Variants in SVOPL observed in about 807,000 individuals in gnomAD.
The protein encoded by SVOPL is putative transporter SVOPL.
A neutral mutation model predicts 61.0 loss-of-function variants in SVOPL; 60 were observed. The ratio of observed to expected loss-of-function variants is 0.98; its 90% CI spans 0.80 to 1.22. SVOPL has a LOEUF of 1.22. Among genes scored for constraint, SVOPL ranks in the 50% most tolerant of loss-of-function variants. The pLI, the probability that SVOPL is intolerant of heterozygous loss-of-function variation, is 0.00. For missense variants in SVOPL, 662 were observed against 643.9 expected (o/e 1.03, Z -0.30); for synonymous variants, 279 against 250.0 (o/e 1.12, Z -1.09).
chr7:138,624,520 T>C (rs751304747), intron 13 of SVOPL, among the ~76,000 whole-genome samples: 47 of 152,160 alleles, frequency 3.1e-4, no homozygotes, highest in Non-Finnish European at 6.3e-4. Context: ...ACCTGTGGAA[T>C]ATGTCAATAC....
intron 5 of SVOPL, 189 bp downstream of exon 5, chr7:138,662,885 C>T (rs1404718763): frequency 7.0e-7 from 1 of 1,431,236 alleles, no homozygotes; most frequent in African/African-American, 1.4e-5. Flanking sequence ...GGAACAGCTG[C>T]AGGCACAGGT....
chr7:138,696,660 G>A (rs1803071064), intron 1 of SVOPL, among the ~76,000 whole-genome samples: 1 of 151,998 alleles, frequency 6.6e-6, no homozygotes, highest in Non-Finnish European at 1.5e-5. Context: ...CTGACCTCAG[G>A]TGCTCCACCT....
intron 8 of SVOPL, chr7:138,645,626 A>C (rs76433790): frequency 0.026 from 3,965 of 152,918 alleles, 155 homozygotes; most frequent in East Asian, 0.18. Context: ...ACACCTCCAC[A>C]ATCCCTTTAA....
chr7:138,606,150 T>C (rs1338190291), intron 14 of SVOPL, among the ~76,000 whole-genome samples: 2 of 152,046 alleles, frequency 1.3e-5, no homozygotes, highest in African/African-American at 4.8e-5. Flanking sequence ...GCGAGTAAAG[T>C]CTATTGGAAG....
chr7:138,682,076 TA>T (rs1449889788), intron 1 of SVOPL, among the ~76,000 whole-genome samples: 1 of 152,156 alleles, frequency 6.6e-6, no homozygotes, highest in East Asian at 1.9e-4. Flanking sequence ...TACATCAGGG[TA>T]ACAAAACAGT....
In SVOPL at chr7:138,632,275, T is replaced by C. The variant is rs148428429; in HGVS notation, c.790-2153A>G. ...GGTAAAACCTCATCTCTACTAAAAA[T>C]ACAAAACATTTAGCCAGGCGTGATG... On this transcript the variant is annotated intron_variant, in intron 9 of 15. Transcript: ENST00000674285. Among the ~76,000 whole-genome samples, 418 of 152,160 alleles carry C rather than the reference T, an allele frequency of 2.7e-3. 2 individuals are homozygous for C. Among genetic ancestry groups the C allele is most frequent in the African/African-American group, 9.2e-3 (383 of 41,516 alleles).
chr7:138,619,036 G>T lies in SVOPL; in HGVS notation c.1353+2010C>A, dbSNP rs1158821853. 4.6e-4 allele frequency among the ~76,000 whole-genome samples: 70 copies of T among 152,214 alleles called. 1 individual carries two copies. Among genetic ancestry groups the T allele is most frequent in the Admixed American group, 4.6e-3 (70 of 15,280 alleles). On this transcript the variant is annotated intron_variant, in intron 14 of 15. Transcript: ENST00000674285. ...CAAATGCCCAGGGAAAATGTTCCAGGTGGTCAAGAACTCAATTCCTAATGA... is the reference window on the plus strand; with the variant it reads ...CAAATGCCCAGGGAAAATGTTCCAGTTGGTCAAGAACTCAATTCCTAATGA...
chr7:138,648,420 C>T (rs1261581828), intron 8 of SVOPL, among the ~76,000 whole-genome samples: 2 of 149,490 alleles, frequency 1.3e-5, no homozygotes, highest in Non-Finnish European at 3.0e-5. Flanking sequence ...TCAGCCTGTC[C>T]AATGTGATGA....
intron 4 of SVOPL, chr7:138,664,317 C>T (rs1802152322): frequency 1.2e-6 from 1 of 844,072 alleles, no homozygotes. Context: ...CACCCCTAAT[C>T]CTCCATCGGA....
At chr7:138,613,076 G>A (rs765277064) in intron 14 of SVOPL, among the ~76,000 whole-genome samples, 1 of 151,810 alleles carries the variant, frequency 6.6e-6, no homozygotes, top group Non-Finnish European at 1.5e-5. Context: ...CTGGAGTGCA[G>A]CGGCACAATC....
chr7:138,599,697 G>A (rs1798431311), intron 14 of SVOPL, among the ~76,000 whole-genome samples: 1 of 152,136 alleles, frequency 6.6e-6, no homozygotes, highest in African/African-American at 2.4e-5. Flanking sequence ...AGACCAGCCT[G>A]ACCAACAAGG....
At position 138,641,310 on chromosome 7, in the gene SVOPL, A is replaced by G. The variant is rs900289761; in HGVS notation, c.789+3407T>C. ...GTAAGGTCCAAAGCCATATAAGGATAAAGAAATACTTCAAGTAATAAGACT... is the reference window on the plus strand; with the variant it reads ...GTAAGGTCCAAAGCCATATAAGGATGAAGAAATACTTCAAGTAATAAGACT... On this transcript the variant is annotated intron_variant, in intron 9 of 15. Transcript: ENST00000674285. 3.3e-5 allele frequency among the ~76,000 whole-genome samples: 5 copies of G among 152,292 alleles called. No homozygotes were observed. In the East Asian group the frequency reaches 9.6e-4, roughly 29 times the overall value.
At chr7:138,610,151 C>CTAT (rs1798934950) in intron 14 of SVOPL, among the ~76,000 whole-genome samples, 1 of 152,116 alleles carries the variant, frequency 6.6e-6, no homozygotes. Flanking sequence ...AGCTTAATGC[C>CTAT]TATTTTTTAT....
At chr7:138,663,916 T>TC (rs1377916949) in intron 4 of SVOPL, among the ~76,000 whole-genome samples, 4 of 152,158 alleles carry the variant, frequency 2.6e-5, no homozygotes, top group Non-Finnish European at 5.9e-5. Context: ...CTGCTTTTTT[T>TC]CTCCTTCCTT....
At chr7:138,621,402 A>G (rs936120012) in intron 13 of SVOPL, among the ~76,000 whole-genome samples, 16 of 152,252 alleles carry the variant, frequency 1.1e-4, no homozygotes, top group Middle Eastern at 3.2e-3. Flanking sequence ...ATATAATTTT[A>G]GAAAGACAAG....
intron 1 of SVOPL, among the ~76,000 whole-genome samples, chr7:138,683,324 T>C (rs777728700): frequency 1.3e-5 from 2 of 152,086 alleles, no homozygotes; most frequent in Non-Finnish European, 2.9e-5. Context: ...TTTGAGTATG[T>C]GTAGTATTTT....
At chr7:138,655,584 C>CAT (rs978750301) in intron 7 of SVOPL, among the ~76,000 whole-genome samples, 13 of 151,416 alleles carry the variant, frequency 8.6e-5, no homozygotes, top group African/African-American at 2.9e-4. Context: ...CACACACACA[C>CAT]ACCCCTACAC....
At chr7:138,636,310 G>A (rs1563107705) in intron 9 of SVOPL, among the ~76,000 whole-genome samples, 1 of 152,064 alleles carries the variant, frequency 6.6e-6, no homozygotes, top group Admixed American at 6.6e-5. Flanking sequence ...TAAGAAATGT[G>A]CAGTACTGAC....
intron 4 of SVOPL, among the ~76,000 whole-genome samples, chr7:138,666,172 C>T (rs1347053481): frequency 6.6e-6 from 1 of 152,216 alleles, no homozygotes; most frequent in Non-Finnish European, 1.5e-5. Flanking sequence ...AAAAAACTCT[C>T]GACTTTCCTT....
Sources: gnomAD v4.1 joint callset for allele counts (sites outside exome capture counted in the v4.1 genomes callset) on GRCh38, gnomAD v4.1.1 for gene constraint, MANE v1.5 for transcripts, NCBI Gene and HGNC (gene_info 2026-07-23, HGNC 2026-07-21) for gene names.